Variants in NOTCH2NLC observed in about 807,000 individuals in gnomAD.
NOTCH2NLC encodes the protein notch 2 N-terminal like C.
A neutral mutation model predicts 17.7 loss-of-function variants in NOTCH2NLC; 4 were observed. The observed-to-expected ratio is 0.23, with a 90% CI of 0.11 to 0.52. The LOEUF is 0.52. Among genes scored for constraint, NOTCH2NLC ranks in the 20% least tolerant of loss-of-function variants. The pLI, the probability that NOTCH2NLC is intolerant of heterozygous loss-of-function variation, is 0.96. For missense variants in NOTCH2NLC, 57 were observed against 207.2 expected, an observed-to-expected ratio of 0.28 and a Z score of 4.45; for synonymous variants, 18 against 86.0, an observed-to-expected ratio of 0.21 and a Z score of 4.38.
chr1:149,410,291 CT>C (rs1426202997), intron 1 of NOTCH2NLC, among the ~76,000 whole-genome samples: 1 of 149,056 alleles, frequency 6.7e-6, no homozygotes, highest in Admixed American at 6.7e-5. Flanking sequence ...CCCTTTTGCC[CT>C]TGGAAGGTAT....
At chr1:149,424,391 G>T (rs1396131976) in intron 1 of NOTCH2NLC, among the ~76,000 whole-genome samples, 3 of 149,684 alleles carry the variant, frequency 2.0e-5, no homozygotes, top group South Asian at 4.2e-4. Context: ...AGAGTCATTT[G>T]GTTAGGTCAC....
At position 149,417,061 on chromosome 1, in the gene NOTCH2NLC, T is replaced by C. The variant is rs1217899041; in HGVS notation, c.136-13881T>C. 1.2e-4 allele frequency among the ~76,000 whole-genome samples: 18 copies of C among 146,384 alleles called. No individual in the cohort carries two copies. In the South Asian group the frequency reaches 3.9e-3, roughly 32 times the overall value. Reference sequence around the variant, plus strand: ...ATGTTGTAGTCACAAATGTATATTATGGAAGTTTGCAGATTATGGTGGATA... The same window carrying C: ...ATGTTGTAGTCACAAATGTATATTACGGAAGTTTGCAGATTATGGTGGATA... On this transcript the variant is annotated intron_variant, in intron 1 of 4. Transcript: ENST00000650865.
At chr1:149,429,725 G>C (rs1356070517) in intron 1 of NOTCH2NLC, among the ~76,000 whole-genome samples, 1 of 151,266 alleles carries the variant, frequency 6.6e-6, no homozygotes, top group African/African-American at 2.4e-5. Flanking sequence ...CTGACATCCA[G>C]CTTGCACCTG....
intron 1 of NOTCH2NLC, among the ~76,000 whole-genome samples, chr1:149,419,787 G>A (rs1308643635): frequency 1.4e-5 from 2 of 144,540 alleles, no homozygotes; most frequent in African/African-American, 5.1e-5. Flanking sequence ...ATAGTTGTAT[G>A]TCTGAAGAAA....
chr1:149,391,035 C>T, intron 1 of NOTCH2NLC, 113 bp downstream of exon 1: 1 of 932,536 alleles, frequency 1.1e-6, no homozygotes, highest in Non-Finnish European at 1.3e-6. Context: ...GCCGCCGGCG[C>T]GGAGCGAGGC....
intron 1 of NOTCH2NLC, among the ~76,000 whole-genome samples, chr1:149,414,598 T>C (rs2084320146): frequency 1.3e-5 from 2 of 150,874 alleles, no homozygotes; most frequent in African/African-American, 4.9e-5. Flanking sequence ...TATATAAATG[T>C]CTGGCTATTA....
intron 1 of NOTCH2NLC, among the ~76,000 whole-genome samples, chr1:149,423,228 T>C (rs2084387161): frequency 6.7e-6 from 1 of 149,722 alleles, no homozygotes. Context: ...AATCGATTTA[T>C]CTCTTATTGC....
At chr1:149,435,405 T>A (rs1251602651) in intron 2 of NOTCH2NLC, among the ~76,000 whole-genome samples, 1 of 145,846 alleles carries the variant, frequency 6.9e-6, no homozygotes, top group Non-Finnish European at 1.5e-5. Context: ...CTTGATCTTA[T>A]GGATGCTAGG....
At chr1:149,423,699 AT>A (rs2084392081) in intron 1 of NOTCH2NLC, among the ~76,000 whole-genome samples, 1 of 148,982 alleles carries the variant, frequency 6.7e-6, no homozygotes, top group Admixed American at 6.7e-5. Flanking sequence ...AAGAGCCTGT[AT>A]AACTCCTCTT....
chr1:149,435,473 A>G lies in NOTCH2NLC; in HGVS notation c.209+4458A>G, dbSNP rs1459789600. ...TTCTGCCCTTAGTCCGATGACACAAATCTTAGTCATGAGATAGGGCTCTTA... is the reference window on the plus strand; with the variant it reads ...TTCTGCCCTTAGTCCGATGACACAAGTCTTAGTCATGAGATAGGGCTCTTA... On this transcript the variant is annotated intron_variant, in intron 2 of 4. Coordinates refer to ENST00000650865, the MANE Select transcript of NOTCH2NLC (RefSeq NM_001364013.2). 2.7e-5 allele frequency among the ~76,000 whole-genome samples: 4 copies of G among 149,234 alleles called. No individual in the cohort carries two copies. In the East Asian group the frequency reaches 8.2e-4, roughly 31 times the overall value.
At chr1:149,430,419 C>T (rs1570910820) in intron 1 of NOTCH2NLC, among the ~76,000 whole-genome samples, 2 of 142,338 alleles carry the variant, frequency 1.4e-5, no homozygotes, top group East Asian at 4.4e-4. Context: ...AATTTTGTGC[C>T]TGGTGCATAC....
intron 2 of NOTCH2NLC, among the ~76,000 whole-genome samples, chr1:149,449,880 T>G (rs1163712362): frequency 6.6e-6 from 1 of 150,606 alleles, no homozygotes; most frequent in Non-Finnish European, 1.5e-5. Flanking sequence ...ATAAATGGAA[T>G]TATATAATAT....
At chr1:149,441,809 CA>C (rs1284368014) in intron 2 of NOTCH2NLC, among the ~76,000 whole-genome samples, 1 of 28,582 alleles carries the variant, frequency 3.5e-5, no homozygotes, top group Non-Finnish European at 7.5e-5. Context: ...CAGTTTGTGA[CA>C]GAAGCAGACT....
chr1:149,392,807 C>T (rs2084178488), intron 1 of NOTCH2NLC, among the ~76,000 whole-genome samples: 1 of 150,960 alleles, frequency 6.6e-6, no homozygotes, highest in South Asian at 2.1e-4. Flanking sequence ...CGCGGTGGCT[C>T]ACGCCTGTAA....
At position 149,390,924 on chromosome 1, in the gene NOTCH2NLC, T is replaced by G; in HGVS notation, c.135+2T>G. The G allele has an allele frequency of 7.1e-7, 1 of 1,412,850 alleles. No homozygotes were observed. The highest frequency in any genetic ancestry group is 3.1e-5 in the East Asian group (1 of 32,248). 87.5% of individuals were successfully genotyped at this position (1,412,850 alleles called of 1,614,324 possible). On this transcript the variant is annotated splice_donor_variant, in intron 1 of 4. Transcript: ENST00000650865. LOFTEE classifies it high-confidence loss of function. ...TGTGCTGCGCGACCCCCGCGCATGG[T>G]GAGTATCGGGCTGAGGGGCGCTGTC...
intron 1 of NOTCH2NLC, among the ~76,000 whole-genome samples, chr1:149,400,303 T>C (rs1189438465): frequency 2.2e-5 from 3 of 138,716 alleles, no homozygotes; most frequent in Non-Finnish European, 4.7e-5. Context: ...ATATTGAATG[T>C]TTTTTCATAT....
chr1:149,423,780 C>T (rs2101482743), intron 1 of NOTCH2NLC, among the ~76,000 whole-genome samples: 1 of 147,690 alleles, frequency 6.8e-6, no homozygotes, highest in Non-Finnish European at 1.5e-5. Context: ...GGTCTAAGCA[C>T]AGATACCACA....
intron 2 of NOTCH2NLC, among the ~76,000 whole-genome samples, chr1:149,447,585 C>T: frequency 7.9e-6 from 1 of 127,040 alleles, no homozygotes; most frequent in South Asian, 2.9e-4. Flanking sequence ...TAAAGAAGAA[C>T]CATACCAGTG....
chr1:149,436,815 A>G (rs1338392931), intron 2 of NOTCH2NLC, among the ~76,000 whole-genome samples: 9 of 138,814 alleles, frequency 6.5e-5, no homozygotes, highest in Admixed American at 2.2e-4. Context: ...TGATAGCAGA[A>G]GCTTGGCCAG....
Sources: gnomAD v4.1 joint callset for allele counts (sites outside exome capture counted in the v4.1 genomes callset) on GRCh38, gnomAD v4.1.1 for gene constraint, MANE v1.5 for transcripts, NCBI Gene and HGNC (gene_info 2026-07-23, HGNC 2026-07-21) for gene names.